The following SLC5A12 variants were observed in gnomAD, a reference collection of about 807,000 sequenced individuals.
The protein encoded by SLC5A12 is sodium-coupled monocarboxylate transporter 2.
SLC5A12 carries 46 observed loss-of-function variants against 72.7 expected under a neutral mutation model. The observed-to-expected ratio is 0.63, with a 90% CI of 0.50 to 0.81. SLC5A12 has a LOEUF of 0.81. Among genes scored for constraint, SLC5A12 ranks in the 30% least tolerant of loss-of-function variants. The pLI is 0.00. For synonymous variants in SLC5A12, 275 were observed against 264.4 expected, an observed-to-expected ratio of 1.04 and a Z score of -0.39; for missense variants, 683 against 740.7, an observed-to-expected ratio of 0.92 and a Z score of 0.90.
At chr11:26,684,855 C>T (rs1046408961) in intron 10 of SLC5A12, among the ~76,000 whole-genome samples, 6 of 152,076 alleles carry the variant, frequency 3.9e-5, no homozygotes, top group East Asian at 1.9e-4. Context: ...ATTATTGTGG[C>T]GCACAAGACA....
In SLC5A12 at chr11:26,668,708, T is replaced by G. The variant is rs558819802; in HGVS notation, c.*2394A>C. The G allele has an allele frequency of 6.6e-6, 1 of 151,986 alleles. No homozygotes were observed. The highest frequency in any genetic ancestry group is 1.5e-5 in the Non-Finnish European group (1 of 67,964). The allele number at this position is 151,986 out of a possible 1,614,324, so 9.4% of individuals were successfully genotyped here. ...TGCATGTTTGTTCAATTAAGAAGAA[T>G]GGGGGGAGTCTCTACATTGACCTCT... is the stretch of plus-strand genomic sequence containing the variant. On this transcript the variant is annotated 3_prime_UTR_variant, in exon 15 of 15. Transcript: ENST00000396005.
intron 2 of SLC5A12, 122 bp from the exon 3 acceptor site, chr11:26,711,480 T>C: frequency 1.3e-6 from 1 of 762,462 alleles, no homozygotes; most frequent in Non-Finnish European, 2.3e-6. Context: ...AAACATTGCA[T>C]TCCTGTTGAC....
chr11:26,688,907 G>C (rs1854599271), intron 9 of SLC5A12, among the ~76,000 whole-genome samples: 1 of 152,082 alleles, frequency 6.6e-6, no homozygotes, highest in South Asian at 2.1e-4. Flanking sequence ...AGTATTCATA[G>C]CAGTTTTAGT....
At position 26,711,294 on chromosome 11, in the gene SLC5A12, G is replaced by C; in HGVS notation, c.457+13C>G. 1 of 1,608,476 alleles carries C rather than the reference G, an allele frequency of 6.2e-7. No individual in the cohort carries two copies. Among genetic ancestry groups the C allele is most frequent in the Admixed American group, 1.7e-5 (1 of 59,768 alleles). ...AAATGGTAAAATATGCCAAGAGAAT[G>C]CTGATAACTCACCTTGATTGAGTGC... On this transcript the variant is annotated intron_variant, in intron 3 of 14. Coordinates refer to ENST00000396005, the MANE Select transcript of SLC5A12 (RefSeq NM_178498.4).
chr11:26,677,805 T>C (rs1854299102), intron 13 of SLC5A12, among the ~76,000 whole-genome samples: 1 of 152,210 alleles, frequency 6.6e-6, no homozygotes, highest in Non-Finnish European at 1.5e-5. Context: ...ATTCAGGTTT[T>C]GTGTTGAGTC....
chr11:26,688,701 T>TA (rs1472516110), intron 9 of SLC5A12, among the ~76,000 whole-genome samples: 2 of 152,052 alleles, frequency 1.3e-5, no homozygotes, highest in East Asian at 3.9e-4. Flanking sequence ...AGCAAGGACA[T>TA]ACAAGTCAAG....
intron 4 of SLC5A12, 35 bp from the exon 5 acceptor site, chr11:26,703,982 A>G: frequency 6.2e-7 from 1 of 1,611,324 alleles, no homozygotes; most frequent in Non-Finnish European, 8.5e-7. Flanking sequence ...CCTTGAAAAC[A>G]AACCCTGTAA....
chr11:26,671,717 T>C (rs1397507909), intron 14 of SLC5A12, among the ~76,000 whole-genome samples: 1 of 152,026 alleles, frequency 6.6e-6, no homozygotes, highest in Non-Finnish European at 1.5e-5. Flanking sequence ...ACACAAGGAG[T>C]GTCCCCTCCC....
At chr11:26,710,274 A>G (rs1855192321) in intron 3 of SLC5A12, among the ~76,000 whole-genome samples, 1 of 152,134 alleles carries the variant, frequency 6.6e-6, no homozygotes, top group African/African-American at 2.4e-5. Context: ...ATTGATGGGC[A>G]TTTGGGTTGG....
At chr11:26,712,166 TG>T (rs201134089) in intron 2 of SLC5A12, among the ~76,000 whole-genome samples, 1 of 151,922 alleles carries the variant, frequency 6.6e-6, no homozygotes, top group Middle Eastern at 3.4e-3. Context: ...ATCCCAAAGC[TG>T]GGGGGGTGGG....
chr11:26,703,985 C>T, intron 4 of SLC5A12, 38 bp from the exon 5 acceptor site: 1 of 1,609,870 alleles, frequency 6.2e-7, no homozygotes, highest in South Asian at 1.1e-5. Context: ...TGAAAACAAA[C>T]CCTGTAACTG....
At chr11:26,678,088 G>A (rs538864252) in intron 13 of SLC5A12, among the ~76,000 whole-genome samples, 14 of 152,208 alleles carry the variant, frequency 9.2e-5, no homozygotes, top group African/African-American at 3.4e-4. Context: ...AGAACTCCAC[G>A]ACCCTAGAGA....
At chr11:26,686,881 G>A (rs1204625191) in intron 9 of SLC5A12, among the ~76,000 whole-genome samples, 1 of 152,188 alleles carries the variant, frequency 6.6e-6, no homozygotes, top group Non-Finnish European at 1.5e-5. Flanking sequence ...AAAATTAGTG[G>A]AAATTAATTC....
At chr11:26,694,738 A>G (rs1392027040) in intron 8 of SLC5A12, among the ~76,000 whole-genome samples, 4 of 152,202 alleles carry the variant, frequency 2.6e-5, no homozygotes, top group Non-Finnish European at 5.9e-5. Flanking sequence ...ATATGTGACC[A>G]TTTCAAAGAT....
intron 8 of SLC5A12, among the ~76,000 whole-genome samples, chr11:26,693,248 T>C (rs1163783875): frequency 2.6e-5 from 4 of 152,156 alleles, no homozygotes; most frequent in African/African-American, 9.7e-5. Context: ...GGAAAATCCA[T>C]GCAAAGTGGG....
intron 11 of SLC5A12, among the ~76,000 whole-genome samples, chr11:26,682,506 C>G (rs1315216887): frequency 6.6e-6 from 1 of 152,092 alleles, no homozygotes; most frequent in South Asian, 2.1e-4. Flanking sequence ...TTAGTAGGAT[C>G]AGCTATGGCC....
intron 4 of SLC5A12, 104 bp from the exon 5 acceptor site, chr11:26,704,051 A>G: frequency 8.1e-7 from 1 of 1,232,296 alleles, no homozygotes; most frequent in Non-Finnish European, 1.2e-6. Context: ...TTGTTTATTC[A>G]GCATCAGCCA....
intron 13 of SLC5A12, among the ~76,000 whole-genome samples, chr11:26,678,342 T>G (rs148193104): frequency 6.6e-6 from 1 of 152,090 alleles, no homozygotes; most frequent in East Asian, 1.9e-4. Context: ...AAATAATATA[T>G]GGGAAATGTT....
intron 14 of SLC5A12, among the ~76,000 whole-genome samples, chr11:26,672,482 G>A (rs1854165910): frequency 6.6e-6 from 1 of 152,112 alleles, no homozygotes; most frequent in African/African-American, 2.4e-5. Flanking sequence ...ATCAAATGCT[G>A]TAACAACCCT....
Sources: allele counts gnomAD v4.1 joint callset (sites outside exome capture counted in the v4.1 genomes callset), GRCh38; gene constraint gnomAD v4.1.1; transcripts MANE v1.5; gene names NCBI Gene and HGNC (gene_info 2026-07-23, HGNC 2026-07-21).